Variants in NTRK3 observed in about 807,000 individuals in gnomAD.
The protein encoded by NTRK3 is neurotrophic receptor tyrosine kinase 3.
Under a neutral mutation model 91.7 loss-of-function variants are expected in NTRK3, and 24 were observed. The observed-to-expected ratio is 0.26, with a 90% confidence interval of 0.19 to 0.37. The LOEUF is 0.37. Among genes scored for constraint, NTRK3 ranks in the 10% least tolerant of loss-of-function variants. The probability of loss-of-function intolerance (pLI) is 1.00; values close to 1 mark genes in which losing one functional copy is unlikely to be tolerated. For missense variants in NTRK3, 880 were observed against 1,068.9 expected (o/e 0.82, Z 2.46); for synonymous variants, 483 against 404.0 (o/e 1.20, Z -2.34).
In NTRK3 at chr15:88,243,766, A is replaced by T. The variant is rs945700533; in HGVS notation, c.248+12140T>A. Among the ~76,000 whole-genome samples, 1 of 152,184 alleles carries T rather than the reference A, an allele frequency of 6.6e-6. No homozygotes were observed. The highest frequency in any genetic ancestry group is 1.5e-5 in the Non-Finnish European group (1 of 68,038). On this transcript the variant is annotated intron_variant, in intron 3 of 18. Transcript: ENST00000394480. The surrounding 1 kb of genome is among the most constrained non-coding windows in gnomAD (Gnocchi z 4.8). The stretch of plus-strand genomic sequence containing the variant: ...AAAAAGAGTGGTGCCCCAGGAAAAC[A>T]CCAGAAAGGCTCTGGTTTTTAGGTG...
intron 15 of NTRK3, among the ~76,000 whole-genome samples, chr15:87,934,814 C>G (rs1161339060): frequency 6.6e-6 from 1 of 152,092 alleles, no homozygotes; most frequent in Non-Finnish European, 1.5e-5. Flanking sequence ...TCACAGTGCC[C>G]CAAAGTTCAG....
chr15:88,084,700 C>G (rs568790343), intron 13 of NTRK3, among the ~76,000 whole-genome samples: 1 of 152,210 alleles, frequency 6.6e-6, no homozygotes. Context: ...AAAGACGTCC[C>G]CCTGCCCTCC....
chr15:87,991,148 C>T (rs1295323709), intron 14 of NTRK3, among the ~76,000 whole-genome samples: 1 of 152,170 alleles, frequency 6.6e-6, no homozygotes, highest in Non-Finnish European at 1.5e-5. Context: ...CCATCCTCAT[C>T]ATTTTCCTAC....
intron 16 of NTRK3, chr15:87,931,223 G>A (rs1180113226): frequency 3.9e-6 from 2 of 518,366 alleles, no homozygotes; most frequent in Non-Finnish European, 7.7e-6. Flanking sequence ...TGGCTCTTGG[G>A]GCTGGAGATA....
rs568864541 is a variant in NTRK3 at position 88,124,533 on chromosome 15, G to T, written c.1396+1738C>A. Among the ~76,000 whole-genome samples the T allele has an allele frequency of 2.7e-4, 41 of 152,310 alleles. No homozygotes were observed. The South Asian group carries it at 8.5e-3, about 32-fold the overall frequency. On this transcript the variant is annotated intron_variant, in intron 13 of 18. Transcript: ENST00000394480. The stretch of plus-strand genomic sequence containing the variant: ...CAACAATGCCCCATTCTTCCCTTTG[G>T]TCAAGGCCCTGATGTTTTCTCAGGT...
At chr15:88,023,967 T>C (rs180775586) in intron 14 of NTRK3, among the ~76,000 whole-genome samples, 19 of 152,338 alleles carry the variant, frequency 1.2e-4, no homozygotes, top group African/African-American at 4.6e-4. Context: ...CTGAGTTAAG[T>C]GGCTGGGAAT....
At chr15:88,123,059 A>G (rs1054404259) in intron 13 of NTRK3, among the ~76,000 whole-genome samples, 6 of 152,218 alleles carry the variant, frequency 3.9e-5, no homozygotes, top group Non-Finnish European at 7.3e-5. Flanking sequence ...TGTGCAGGAC[A>G]AAAGAGGGCA....
At chr15:87,890,607 A>G (rs2141565917) in intron 17 of NTRK3, among the ~76,000 whole-genome samples, 1 of 149,982 alleles carries the variant, frequency 6.7e-6, no homozygotes, top group South Asian at 2.1e-4. Flanking sequence ...ACACACACAC[A>G]CTTGAAGTGT....
chr15:88,113,623 T>A (rs2051698664), intron 13 of NTRK3, among the ~76,000 whole-genome samples: 1 of 152,214 alleles, frequency 6.6e-6, no homozygotes, highest in African/African-American at 2.4e-5. Flanking sequence ...GTCTAACTTT[T>A]TTTTTAAGGG....
chr15:87,972,992 C>T (rs1028644645), intron 14 of NTRK3, among the ~76,000 whole-genome samples: 27 of 152,240 alleles, frequency 1.8e-4, no homozygotes, highest in African/African-American at 5.5e-4. Flanking sequence ...GCAGAGCATG[C>T]CCCAGTCAAA....
At chr15:88,027,324 T>C (rs1435575736) in intron 14 of NTRK3, among the ~76,000 whole-genome samples, 3 of 152,200 alleles carry the variant, frequency 2.0e-5, no homozygotes, top group African/African-American at 4.8e-5. Flanking sequence ...GCCCAGTGCT[T>C]GCTCTAAAGA....
chr15:88,153,687 G>A (rs1332606222), intron 5 of NTRK3, among the ~76,000 whole-genome samples: 3 of 151,976 alleles, frequency 2.0e-5, no homozygotes, highest in African/African-American at 7.3e-5. Flanking sequence ...GAGGTTAAGA[G>A]GTCCAAGATC....
Position 87,882,850 on chromosome 15 carries a change from G to A in NTRK3, c.2134-2422C>T, listed in dbSNP as rs73452604. On this transcript the variant is annotated intron_variant, in intron 17 of 18. Transcript: ENST00000394480. ...AATACCAAAAAGACTACAGAAAGGC[G>A]GAGTAGGATAATGATGACTAAAAAG... Among the ~76,000 whole-genome samples the A allele has an allele frequency of 8.5e-3, 1,295 of 152,018 alleles. 22 individuals carry two copies. The highest frequency in any genetic ancestry group is 0.029 in the African/African-American group (1,190 of 41,482).
At position 88,235,396 on chromosome 15, in the gene NTRK3, G is replaced by C. The variant is rs375812678; in HGVS notation, c.248+20510C>G. ...CAGACAGTGGACACTCACTGGTCTC[G>C]GCCTTCCCGGAACCCACATCTGAGC... On this transcript the variant is annotated intron_variant, in intron 3 of 18. Transcript: ENST00000394480. The surrounding 1 kb of genome is among the most constrained non-coding windows in gnomAD (Gnocchi z 5.2). Among the ~76,000 whole-genome samples the C allele has an allele frequency of 6.6e-6, 1 of 152,136 alleles. No homozygotes were observed. The highest frequency in any genetic ancestry group is 1.9e-4 in the East Asian group (1 of 5,182).
chr15:87,983,905 C>CTG lies in NTRK3; in HGVS notation c.1586-43154_1586-43153dup, dbSNP rs530737654. Among the ~76,000 whole-genome samples, 34 of 152,262 alleles carry CTG rather than the reference C, an allele frequency of 2.2e-4. No homozygotes were observed. The East Asian group carries it at 6.6e-3, about 29-fold the overall frequency. ...TTAGGAAGGTAAGCAGCACCATACC[C>CTG]TGTCATTCCCTCCCCTGGCCAACCC... On this transcript the variant is annotated intron_variant, in intron 14 of 18. Transcript: ENST00000394480.
chr15:88,169,336 A>C (rs1397496913), intron 5 of NTRK3, among the ~76,000 whole-genome samples: 5 of 152,216 alleles, frequency 3.3e-5, no homozygotes, highest in Non-Finnish European at 5.9e-5. Context: ...AGAGTATGGC[A>C]GGTAGTTCAA....
chr15:87,940,854 G>C (rs2142022573), intron 14 of NTRK3, 101 bp from the exon 15 acceptor site: 1 of 1,558,414 alleles, frequency 6.4e-7, no homozygotes, highest in Non-Finnish European at 8.8e-7. Flanking sequence ...ACTTGGTTCT[G>C]AGCCTACAGC....
rs1408910681 is a variant in NTRK3 at position 88,235,665 on chromosome 15, GAGA to G, written c.248+20238_248+20240del. Among the ~76,000 whole-genome samples, 2 of 152,202 alleles carry G rather than the reference GAGA, an allele frequency of 1.3e-5. No individual in the cohort carries two copies. The highest frequency in any genetic ancestry group is 2.4e-5 in the African/African-American group (1 of 41,454). On this transcript the variant is annotated intron_variant, in intron 3 of 18. Transcript: ENST00000394480. The surrounding 1 kb of genome is among the most constrained non-coding windows in gnomAD (Gnocchi z 5.2). ...AGGCCCTGGCTTCCACAGTGTCACA[GAGA>G]AGAAGGGAGCTCTGAGAGGACCCTA...
intron 14 of NTRK3, among the ~76,000 whole-genome samples, chr15:87,962,934 T>C (rs1400047471): frequency 2.0e-5 from 3 of 152,306 alleles, no homozygotes; most frequent in African/African-American, 2.4e-5. Flanking sequence ...CCCTAAAATG[T>C]GGCAAGGCTC....
Sources: allele counts gnomAD v4.1 joint callset (sites outside exome capture counted in the v4.1 genomes callset), GRCh38; gene constraint gnomAD v4.1.1; non-coding constraint Gnocchi (gnomAD v3.1); transcripts MANE v1.5; gene names NCBI Gene and HGNC (gene_info 2026-07-23, HGNC 2026-07-21).